The following PDE3A variants were observed in gnomAD, a reference collection of about 807,000 sequenced individuals.
PDE3A encodes cGMP-inhibited 3',5'-cyclic phosphodiesterase 3A.
Under a neutral mutation model 98.3 loss-of-function variants are expected in PDE3A, and 43 were observed. The ratio of observed to expected loss-of-function variants is 0.44; its 90% CI spans 0.34 to 0.56. The LOEUF (loss-of-function observed/expected upper bound fraction) is 0.56, where lower values mean the gene tolerates loss of function less well. Among genes scored for constraint, PDE3A ranks in the 20% least tolerant of loss-of-function variants. The pLI is 0.01. For missense variants in PDE3A, 1,427 were observed against 1,440.7 expected, an observed-to-expected ratio of 0.99 and a Z score of 0.15; for synonymous variants, 663 against 567.9, an observed-to-expected ratio of 1.17 and a Z score of -2.38.
chr12:20,369,768 G>T lies in PDE3A; in HGVS notation c.484G>T (p.Ala162Ser), dbSNP rs1232934697. 1 of 1,612,502 alleles carries T rather than the reference G, an allele frequency of 6.2e-7. No homozygotes were observed. The highest frequency in any genetic ancestry group is 2.2e-5 in the East Asian group (1 of 44,798). ...RAGVRLPLAV[A>S]LLAACCGGEA... ...CGGGGTGCGCCTGCCTCTGGCTGTCGCGCTGCTGGCCGCCTGCTGCGGGGG... is the reference window on the plus strand; with the variant it reads ...CGGGGTGCGCCTGCCTCTGGCTGTCTCGCTGCTGGCCGCCTGCTGCGGGGG... Residue 162 changes from alanine (A) to serine (S), a missense_variant, in exon 1 of 16, where the codon GCG becomes TCG. This residue lies in a region of PDE3A where 1,012 missense variants were observed against 886.5 expected (regional missense o/e 1.14). Coordinates refer to ENST00000359062, the MANE Select transcript of PDE3A (RefSeq NM_000921.5).
intron 1 of PDE3A, among the ~76,000 whole-genome samples, chr12:20,408,684 A>G (rs192141422): frequency 2.0e-5 from 3 of 152,336 alleles, no homozygotes; most frequent in African/African-American, 7.2e-5. Flanking sequence ...TGTATTTTGT[A>G]AACCATACAA....
chr12:20,617,490 A>G (rs1944033891), intron 4 of PDE3A, among the ~76,000 whole-genome samples: 2 of 152,144 alleles, frequency 1.3e-5, no homozygotes, highest in Admixed American at 1.3e-4. Flanking sequence ...TGTTTCATGA[A>G]AATTTCCTGA....
chr12:20,551,352 CTA>C (rs1942191680), intron 1 of PDE3A, among the ~76,000 whole-genome samples: 1 of 151,600 alleles, frequency 6.6e-6, no homozygotes, highest in Non-Finnish European at 1.5e-5. Context: ...TGCAAATACT[CTA>C]AAGTTTTATA....
At chr12:20,401,840 A>T (rs1565537834) in intron 1 of PDE3A, among the ~76,000 whole-genome samples, 1 of 152,202 alleles carries the variant, frequency 6.6e-6, no homozygotes, top group Non-Finnish European at 1.5e-5. Context: ...GCCCCACATT[A>T]TTTATTGCAG....
intron 1 of PDE3A, among the ~76,000 whole-genome samples, chr12:20,413,380 C>A (rs1944367043): frequency 6.6e-6 from 1 of 152,050 alleles, no homozygotes; most frequent in African/African-American, 2.4e-5. Flanking sequence ...ATTTTAGCAG[C>A]CTGAAGCCAT....
intron 4 of PDE3A, among the ~76,000 whole-genome samples, chr12:20,617,045 A>G (rs1049843899): frequency 2.6e-5 from 4 of 152,218 alleles, no homozygotes; most frequent in African/African-American, 9.6e-5. Context: ...GAATAAAAAT[A>G]TTATACTTAT....
chr12:20,542,022 C>T (rs574443813), intron 1 of PDE3A, among the ~76,000 whole-genome samples: 3 of 152,116 alleles, frequency 2.0e-5, no homozygotes, highest in East Asian at 1.9e-4. Flanking sequence ...CCAAGGGTCG[C>T]GTAATGGGGC....
At chr12:20,381,498 G>A (rs991557725) in intron 1 of PDE3A, among the ~76,000 whole-genome samples, 2 of 151,950 alleles carry the variant, frequency 1.3e-5, no homozygotes, top group Non-Finnish European at 2.9e-5. Context: ...AAGATGCTGA[G>A]AGAGACACTC....
At chr12:20,431,623 G>GCA (rs1401790952) in intron 1 of PDE3A, among the ~76,000 whole-genome samples, 1 of 120,526 alleles carries the variant, frequency 8.3e-6, no homozygotes, top group African/African-American at 2.8e-5. Flanking sequence ...ACACACACAC[G>GCA]CACACACACG....
chr12:20,459,436 G>A (rs1945210671), intron 1 of PDE3A, among the ~76,000 whole-genome samples: 1 of 151,982 alleles, frequency 6.6e-6, no homozygotes, highest in South Asian at 2.1e-4. Flanking sequence ...ATAAGTATAA[G>A]TATGTTATGT....
chr12:20,558,482 A>C (rs1488937055), intron 2 of PDE3A, among the ~76,000 whole-genome samples: 1 of 152,046 alleles, frequency 6.6e-6, no homozygotes, highest in Non-Finnish European at 1.5e-5. Flanking sequence ...TTCTAAATAT[A>C]GTATACCTTT....
At chr12:20,613,326 A>G (rs1943915062) in intron 2 of PDE3A, 117 bp from the exon 3 acceptor site, 6 of 919,360 alleles carry the variant, frequency 6.5e-6, no homozygotes, top group Non-Finnish European at 1.0e-5. Context: ...ATTTTACTGT[A>G]CTGAAATCCT....
At chr12:20,594,875 T>G (rs1943427086) in intron 2 of PDE3A, among the ~76,000 whole-genome samples, 1 of 152,076 alleles carries the variant, frequency 6.6e-6, no homozygotes, top group African/African-American at 2.4e-5. Context: ...AGATTATAAC[T>G]AAAACTGTTC....
rs1007417262 is a variant in PDE3A, at chr12:20,518,570, A to C, written c.961-38090A>C. 8.5e-5 allele frequency among the ~76,000 whole-genome samples: 13 copies of C among 152,302 alleles called. No homozygotes were observed. In the East Asian group the frequency reaches 2.3e-3, roughly 27 times the overall value. On this transcript the variant is annotated intron_variant, in intron 1 of 15. Coordinates refer to ENST00000359062, the MANE Select transcript of PDE3A (RefSeq NM_000921.5). The stretch of plus-strand genomic sequence containing the variant: ...TTATGTAAACTATTCTGTCATTAAA[A>C]AAAAAGCCTTCCTAGTGTTGGATTG...
At chr12:20,409,395 A>G (rs1670005728) in intron 1 of PDE3A, among the ~76,000 whole-genome samples, 1 of 152,156 alleles carries the variant, frequency 6.6e-6, no homozygotes, top group African/African-American at 2.4e-5. Context: ...TGTTATTATT[A>G]GCTCTCTTAT....
intron 1 of PDE3A, among the ~76,000 whole-genome samples, chr12:20,431,103 C>T (rs1171555107): frequency 2.0e-5 from 3 of 151,934 alleles, no homozygotes; most frequent in Non-Finnish European, 4.4e-5. Flanking sequence ...ATTATCTGCC[C>T]GTCTTTATTA....
At chr12:20,486,064 G>A (rs1443184422) in intron 1 of PDE3A, among the ~76,000 whole-genome samples, 4 of 152,122 alleles carry the variant, frequency 2.6e-5, no homozygotes, top group African/African-American at 4.8e-5. Flanking sequence ...TCTTATTTTA[G>A]CCTATCGCTG....
chr12:20,449,402 G>A (rs1591944578), intron 1 of PDE3A, among the ~76,000 whole-genome samples: 1 of 152,150 alleles, frequency 6.6e-6, no homozygotes, highest in Non-Finnish European at 1.5e-5. Context: ...TTCATTTACA[G>A]ACATTGTCAT....
chr12:20,680,165 C>G lies in PDE3A; in HGVS notation c.3320C>G (p.Thr1107Ser). 6.2e-7 allele frequency: 1 copy of G among 1,613,696 alleles called. No individual in the cohort carries two copies. Among genetic ancestry groups the G allele is most frequent in the Non-Finnish European group, 8.5e-7 (1 of 1,179,766 alleles). Residue 1107 changes from threonine to serine, a missense_variant, in exon 16 of 16, where the codon ACC (threonine) becomes AGC (serine). Physicochemically the swap from Thr to Ser is moderately conservative, Grantham distance 58. Coordinates refer to ENST00000359062, the MANE Select transcript of PDE3A (RefSeq NM_000921.5). ...ATAGAAAATCAATCCCTGGACCAGA[C>G]CCCTCAGTCGCACTCTTCAGAACAG... Reference protein sequence around the residue: ...AGIENQSLDQTPQSHSSEQIQ... With the variant: ...AGIENQSLDQSPQSHSSEQIQ...
Sources: allele counts gnomAD v4.1 joint callset (sites outside exome capture counted in the v4.1 genomes callset), GRCh38; gene constraint gnomAD v4.1.1; regional missense constraint gnomAD v4.1.1; transcripts MANE v1.5; gene names NCBI Gene and HGNC (gene_info 2026-07-23, HGNC 2026-07-21).